The following C8A variants were observed in gnomAD, a reference collection of about 807,000 sequenced individuals.
C8A encodes complement component C8 alpha chain.
A neutral mutation model predicts 65.3 loss-of-function variants in C8A; 67 were observed. That is an observed-to-expected ratio of 1.03 (90% confidence interval 0.84 to 1.26). The LOEUF (loss-of-function observed/expected upper bound fraction) is 1.26, where lower values mean the gene tolerates loss of function less well. C8A is among the 50% of genes most tolerant of loss of function. C8A has a pLI of 0.00. For missense variants in C8A, 781 were observed against 723.9 expected (o/e 1.08, Z -0.90); for synonymous variants, 290 against 259.4 (o/e 1.12, Z -1.13).
chr1:56,869,862 T>C (rs779383081), intron 2 of C8A, among the ~76,000 whole-genome samples: 6 of 152,170 alleles, frequency 3.9e-5, no homozygotes, highest in Non-Finnish European at 7.4e-5. Flanking sequence ...GGTTTGTGAA[T>C]GGTCATCCTG....
intron 2 of C8A, among the ~76,000 whole-genome samples, 181 bp downstream of exon 2, chr1:56,867,883 TTGTAAGGTAG>T (rs1644106605): frequency 6.6e-6 from 1 of 152,254 alleles, no homozygotes; most frequent in African/African-American, 2.4e-5. Context: ...CTAATTTTGT[TTGTAAGGTAG>T]TGTTGAGTGA....
chr1:56,885,355 TATGTAA>T lies in C8A; in HGVS notation c.856-569_856-564del, dbSNP rs1220922669. 1.4e-4 allele frequency among the ~76,000 whole-genome samples: 13 copies of T among 90,910 alleles called. 1 individual carries two copies. Among genetic ancestry groups the T allele is most frequent in the South Asian group, 1.0e-3 (3 of 2,968 alleles). 59.6% of individuals were successfully genotyped at this position (90,910 alleles called of 152,430 possible). ...ATATATATTTACATAAATATATATT[TATGTAA>T]ATATATATTTATATTTATTTAAATA... On this transcript the variant is annotated intron_variant, in intron 6 of 10. Transcript: ENST00000361249.
rs114842183 is a variant in C8A at position 56,901,584 on chromosome 1, G to A, written c.1097-5083G>A. Among the ~76,000 whole-genome samples, 941 of 152,256 alleles carry A rather than the reference G, an allele frequency of 6.2e-3. 8 individuals carry two copies. The highest frequency in any genetic ancestry group is 0.022 in the African/African-American group (910 of 41,548). On this transcript the variant is annotated intron_variant, in intron 7 of 10. Transcript: ENST00000361249. ...TCACCTTGAGACCAGACTAGACTGGGAAGCAATCCAGCATCCCACTACCTC... is the reference window on the plus strand; with the variant it reads ...TCACCTTGAGACCAGACTAGACTGGAAAGCAATCCAGCATCCCACTACCTC...
intron 7 of C8A, among the ~76,000 whole-genome samples, chr1:56,890,605 G>C (rs12087000): frequency 0.023 from 3,561 of 152,240 alleles, 123 homozygotes; most frequent in African/African-American, 0.081. Flanking sequence ...GATACTGCAA[G>C]AGTATGGTGG....
chr1:56,896,315 A>T (rs1411012), intron 7 of C8A, among the ~76,000 whole-genome samples: 19,980 of 152,160 alleles, frequency 0.13, 1,380 homozygotes, highest in Non-Finnish European at 0.15. Flanking sequence ...CAAGCTGGAC[A>T]CCCAGGAGGG....
chr1:56,888,478 A>T (rs7530626), intron 7 of C8A, among the ~76,000 whole-genome samples: 1 of 152,220 alleles, frequency 6.6e-6, no homozygotes, highest in Non-Finnish European at 1.5e-5. Context: ...CAATTGTAGT[A>T]CTCAAAATCA....
chr1:56,903,051 G>A (rs1020358462), intron 7 of C8A, among the ~76,000 whole-genome samples: 1 of 152,080 alleles, frequency 6.6e-6, no homozygotes, highest in Non-Finnish European at 1.5e-5. Context: ...CTCCCGCTAA[G>A]CTGTCTATTT....
chr1:56,867,647 G>A lies in C8A; in HGVS notation c.116G>A (p.Cys39Tyr), dbSNP rs754743099. The change falls in exon 2 of 11, where the codon TGC becomes TAC. Residue 39 changes from cysteine to tyrosine, a missense_variant. Transcript: ENST00000361249. Reference sequence around the variant, plus strand: ...GCAGCTACACCCGCAGCAGTTACCTGCCAGCTGAGCAACTGGTCAGAGTGG... The same window carrying A: ...GCAGCTACACCCGCAGCAGTTACCTACCAGCTGAGCAACTGGTCAGAGTGG... ...RRAATPAAVT[C>Y]QLSNWSEWTD... 1.2e-5 allele frequency: 19 copies of A among 1,613,874 alleles called. No homozygotes were observed. In the East Asian group the frequency reaches 4.2e-4, roughly 36 times the overall value.
At chr1:56,878,465 T>C (rs1644218589) in intron 4 of C8A, among the ~76,000 whole-genome samples, 1 of 152,172 alleles carries the variant, frequency 6.6e-6, no homozygotes, top group South Asian at 2.1e-4. Flanking sequence ...TCCCACGTGA[T>C]TTAACTAGAA....
intron 7 of C8A, among the ~76,000 whole-genome samples, chr1:56,896,846 G>A (rs749948679): frequency 1.3e-5 from 2 of 152,136 alleles, no homozygotes; most frequent in Non-Finnish European, 2.9e-5. Flanking sequence ...AGCATCACTG[G>A]GTTCTAACTC....
rs376825198 is a variant in C8A at position 56,876,114 on chromosome 1, T to C, written c.369T>C (p.Asp123=). The change falls in exon 4 of 11, where the codon GAT becomes GAC. Residue 123 remains aspartate, a synonymous_variant. Transcript: ENST00000361249. The stretch of plus-strand genomic sequence containing the variant: ...GTAATGGAGACCAGGACTGCCTTGA[T>C]GGCTCTGATGAGGACGACTGTGAAG... The part of the protein sequence containing the change: ...LVCNGDQDCL[D]GSDEDDCEDV... The C allele has an allele frequency of 2.5e-6, 4 of 1,613,870 alleles. No individual in the cohort carries two copies. Among genetic ancestry groups the C allele is most frequent in the Non-Finnish European group, 3.4e-6 (4 of 1,179,878 alleles).
intron 3 of C8A, among the ~76,000 whole-genome samples, 174 bp downstream of exon 3, chr1:56,875,267 A>G (rs1230946924): frequency 6.6e-6 from 1 of 152,180 alleles, no homozygotes; most frequent in Non-Finnish European, 1.5e-5. Context: ...CAGCAGCCCA[A>G]GTAATTTTGA....
At chr1:56,863,252 C>T (rs1207991048) in intron 1 of C8A, among the ~76,000 whole-genome samples, 6 of 152,206 alleles carry the variant, frequency 3.9e-5, no homozygotes, top group East Asian at 3.9e-4. Flanking sequence ...AAAAAATGAA[C>T]TACATTGAAA....
At chr1:56,885,402 A>ATT (rs1399091342) in intron 6 of C8A, among the ~76,000 whole-genome samples, 9 of 124,400 alleles carry the variant, frequency 7.2e-5, no homozygotes, top group Non-Finnish European at 1.1e-4. Context: ...TTAAATAAAT[A>ATT]TATATTTATT....
At chr1:56,879,102 G>A (rs1005701734) in intron 4 of C8A, among the ~76,000 whole-genome samples, 1 of 152,038 alleles carries the variant, frequency 6.6e-6, no homozygotes, top group Non-Finnish European at 1.5e-5. Flanking sequence ...TTTACCCTGC[G>A]ATGACAGAGT....
At chr1:56,886,444 AT>A (rs1337195655) in intron 7 of C8A, among the ~76,000 whole-genome samples, 1 of 152,200 alleles carries the variant, frequency 6.6e-6, no homozygotes, top group African/African-American at 2.4e-5. Flanking sequence ...ATTTAAAAAA[AT>A]AATTGGGGGG....
At chr1:56,892,405 G>C (rs1164619228) in intron 7 of C8A, among the ~76,000 whole-genome samples, 1 of 152,048 alleles carries the variant, frequency 6.6e-6, no homozygotes, top group East Asian at 1.9e-4. Context: ...AGGAAACAAG[G>C]CAAAAAAGTC....
chr1:56,914,966 C>T (rs1644539643), intron 10 of C8A, among the ~76,000 whole-genome samples: 1 of 150,918 alleles, frequency 6.6e-6, no homozygotes, highest in African/African-American at 2.5e-5. Flanking sequence ...GCATGAGCCA[C>T]CACATTCAGC....
chr1:56,870,313 G>A (rs1644131363), intron 2 of C8A, among the ~76,000 whole-genome samples: 1 of 151,930 alleles, frequency 6.6e-6, no homozygotes, highest in Non-Finnish European at 1.5e-5. Context: ...TCAAGTAACA[G>A]CAAAAACTGC....
Sources: allele counts gnomAD v4.1 joint callset (sites outside exome capture counted in the v4.1 genomes callset), GRCh38; gene constraint gnomAD v4.1.1; transcripts MANE v1.5; gene names NCBI Gene and HGNC (gene_info 2026-07-23, HGNC 2026-07-21).